The following SNRNP27 variants were observed in gnomAD, a reference collection of about 807,000 sequenced individuals.
SNRNP27 encodes the protein small nuclear ribonucleoprotein U4/U6.U5 subunit 27.
A neutral mutation model predicts 25.1 loss-of-function variants in SNRNP27; 22 were observed. That is an observed-to-expected ratio of 0.88 (90% CI 0.63 to 1.25). The LOEUF (loss-of-function observed/expected upper bound fraction) is 1.25. Ranked by LOEUF, SNRNP27 falls within the 50% of genes most tolerant of loss-of-function variation. The pLI is 0.00. For synonymous variants in SNRNP27, 66 were observed against 64.9 expected (o/e 1.02, Z -0.08); for missense variants, 150 against 202.3 (o/e 0.74, Z 1.57).
chr2:69,903,047 A>ATCC, intron 4 of SNRNP27, 134 bp from the exon 5 acceptor site: 1 of 713,280 alleles, frequency 1.4e-6, no homozygotes, highest in Non-Finnish European at 2.5e-6. Flanking sequence ...GGCTCAAGCA[A>ATCC]TCCTCCCACC....
At chr2:69,902,584 G>A (rs1370278213) in intron 4 of SNRNP27, among the ~76,000 whole-genome samples, 3 of 150,700 alleles carry the variant, frequency 2.0e-5, no homozygotes, top group Non-Finnish European at 4.4e-5. Flanking sequence ...TGCTTCTTCT[G>A]CTTCTGCTGC....
At chr2:69,904,199 T>TA (rs397794501) in intron 5 of SNRNP27, 55 bp from the exon 6 acceptor site, 4 of 1,245,386 alleles carry the variant, frequency 3.2e-6, no homozygotes, top group East Asian at 2.4e-5. Flanking sequence ...TTTTTTTTTT[T>TA]ATAAGAGGAG....
At chr2:69,898,662 G>A (rs1318595179) in intron 4 of SNRNP27, among the ~76,000 whole-genome samples, 1 of 152,164 alleles carries the variant, frequency 6.6e-6, no homozygotes, top group East Asian at 1.9e-4. Context: ...TAATGTGACT[G>A]TGTAGGGCTC....
chr2:69,896,483 A>G lies in SNRNP27; in HGVS notation c.203A>G (p.Lys68Arg), dbSNP rs754160188. The G allele has an allele frequency of 6.2e-7, 1 of 1,611,332 alleles. No individual in the cohort carries two copies. Among genetic ancestry groups the G allele is most frequent in the African/African-American group, 1.3e-5 (1 of 74,974 alleles). ...ACATCTCCTTCCCCTTCTCGACTGA[A>G]AGAAAGAAGAGATGAGGAAAAGAAA... ...RSTSPSPSRL[K>R]ERRDEEKKET... Residue 68 changes from lysine (K) to arginine (R), a missense_variant, in exon 3 of 6, where the codon AAA (lysine) becomes AGA (arginine). By Grantham distance (26) the Lys-to-Arg change is conservative (BLOSUM62 2). Coordinates refer to ENST00000244227, the MANE Select transcript of SNRNP27 (RefSeq NM_006857.3).
chr2:69,903,063 C>G, intron 4 of SNRNP27, 118 bp from the exon 5 acceptor site: 1 of 800,916 alleles, frequency 1.2e-6, no homozygotes. Context: ...CCACCTTAGC[C>G]TTCCGCCAAG....
In SNRNP27 at chr2:69,904,330, A is replaced by AT. The variant is rs752687200; in HGVS notation, c.*30dup. 2.8e-5 allele frequency: 44 copies of AT among 1,597,938 alleles called. No individual in the cohort carries two copies. Among genetic ancestry groups the AT allele is most frequent in the South Asian group, 1.4e-4 (13 of 90,072 alleles). ...ATGAGAATTGAAGTGTTGAAGGATG[A>AT]TTTTTTTTCCCCTCATCTTGGTCAG... On this transcript the variant is annotated 3_prime_UTR_variant, in exon 6 of 6. Coordinates refer to ENST00000244227, the MANE Select transcript of SNRNP27 (RefSeq NM_006857.3).
chr2:69,903,293 T>G, intron 5 of SNRNP27, 48 bp downstream of exon 5: 1 of 1,292,182 alleles, frequency 7.7e-7, no homozygotes, highest in South Asian at 1.2e-5. Context: ...ATCAGTTTTT[T>G]ACTTCAAACT....
At position 69,904,309 on chromosome 2, in the gene SNRNP27, G is replaced by A; in HGVS notation, c.*1G>A. On this transcript the variant is annotated 3_prime_UTR_variant, in exon 6 of 6. Transcript: ENST00000244227. ...CAGACCTTTGGATTTCATTGCATGA[G>A]AATTGAAGTGTTGAAGGATGATTTT... The A allele has an allele frequency of 6.2e-7, 1 of 1,609,726 alleles. No homozygotes were observed. Among genetic ancestry groups the A allele is most frequent in the Non-Finnish European group, 8.5e-7 (1 of 1,177,240 alleles).
intron 1 of SNRNP27, 47 bp from the exon 2 acceptor site, chr2:69,895,047 T>C: frequency 6.2e-7 from 1 of 1,608,610 alleles, no homozygotes; most frequent in South Asian, 1.1e-5. Context: ...CAGCTCTAGA[T>C]ATTTGAGGTA....
At position 69,903,277 on chromosome 2, in the gene SNRNP27, TAATA is replaced by T. The variant is rs776771296; in HGVS notation, c.413+36_413+39del. Reference sequence around the variant, plus strand: ...ATAGCCCCCATTATTATGTTTGAACTAATAAATCAGTTTTTTACTTCAAACTTTA... The same window carrying T: ...ATAGCCCCCATTATTATGTTTGAACTAATCAGTTTTTTACTTCAAACTTTA... On this transcript the variant is annotated intron_variant, in intron 5 of 5. Transcript: ENST00000244227. 18 of 1,494,928 alleles carry T rather than the reference TAATA, an allele frequency of 1.2e-5. No homozygotes were observed. In the Admixed American group the frequency reaches 1.4e-4, roughly 11 times the overall value. 92.6% of individuals were successfully genotyped at this position (1,494,928 alleles called of 1,614,324 possible).
rs778867058 is a variant in SNRNP27, at chr2:69,896,540, A to G, written c.260A>G (p.Gln87Arg). ...ETKETKSKER[Q>R]ITEEDLEGKT... Reference sequence around the variant, plus strand: ...AAAGAAACAAAGAGCAAAGAACGGCAGATTACTGGTAATGTTATTAGATAA... The same window carrying G: ...AAAGAAACAAAGAGCAAAGAACGGCGGATTACTGGTAATGTTATTAGATAA... The change falls in exon 3 of 6, where the codon CAG becomes CGG. Residue 87 changes from glutamine (Q) to arginine (R), a missense_variant. This residue lies in a region of SNRNP27 where 142 missense variants were observed against 168.6 expected (regional missense o/e 0.84). Coordinates refer to ENST00000244227, the MANE Select transcript of SNRNP27 (RefSeq NM_006857.3). The G allele has an allele frequency of 1.9e-6, 3 of 1,601,282 alleles. No homozygotes were observed. Among genetic ancestry groups the G allele is most frequent in the Non-Finnish European group, 2.6e-6 (3 of 1,171,804 alleles).
At chr2:69,896,600 AT>A (rs1676606156) in intron 3 of SNRNP27, 52 bp downstream of exon 3, 1 of 1,469,922 alleles carries the variant, frequency 6.8e-7, no homozygotes, top group Non-Finnish European at 9.2e-7. Flanking sequence ...TGATAAAATT[AT>A]AAAAGTTTAA....
chr2:69,903,194 A>G lies in SNRNP27; in HGVS notation c.362A>G (p.Asp121Gly). 1.2e-6 allele frequency: 2 copies of G among 1,612,760 alleles called. No homozygotes were observed. Among genetic ancestry groups the G allele is most frequent in the Non-Finnish European group, 1.7e-6 (2 of 1,178,954 alleles). ...SFDSTKGKKV[D>G]GSVNAYAINV... ...GTTTTTCTTCAGGGTAAGAAGGTGG[A>G]TGGCTCTGTAAATGCCTATGCCATA... The change falls in exon 5 of 6, where the codon GAT (aspartate) becomes GGT (glycine). Residue 121 changes from aspartate to glycine, a missense_variant. Transcript: ENST00000244227.
At chr2:69,904,188 GT>G (rs35836496) in intron 5 of SNRNP27, 65 bp from the exon 6 acceptor site, 19,107 of 879,360 alleles carry the variant, frequency 0.022, 8 homozygotes, top group South Asian at 0.024. Flanking sequence ...TCTGATGCAT[GT>G]TTTTTTTTTT....
At chr2:69,895,502 C>G (rs1368977680) in intron 2 of SNRNP27, among the ~76,000 whole-genome samples, 1 of 152,150 alleles carries the variant, frequency 6.6e-6, no homozygotes, top group African/African-American at 2.4e-5. Context: ...ATTTTTGTTT[C>G]TTTCTTCCGT....
At chr2:69,896,679 T>G (rs1004030016) in intron 3 of SNRNP27, 131 bp downstream of exon 3, 2 of 920,448 alleles carry the variant, frequency 2.2e-6, no homozygotes, top group African/African-American at 3.4e-5. Flanking sequence ...TTTTTTGGTT[T>G]TTTTTTTTTT....
intron 4 of SNRNP27, among the ~76,000 whole-genome samples, chr2:69,901,453 G>C (rs1676696963): frequency 6.6e-6 from 1 of 152,180 alleles, no homozygotes; most frequent in Admixed American, 6.5e-5. Context: ...CATTCAGAAA[G>C]GTCAAGATGG....
At position 69,904,676 on chromosome 2, in the gene SNRNP27, T is replaced by C; in HGVS notation, c.*368T>C. 1 of 312,992 alleles carries C rather than the reference T, an allele frequency of 3.2e-6. No homozygotes were observed. 19.4% of individuals were successfully genotyped at this position (312,992 alleles called of 1,614,324 possible). ...AGCAGTATTTCTACCCTTTTAGATTTGATAAATATTTTTATTACTAAAGAA... is the reference window on the plus strand; with the variant it reads ...AGCAGTATTTCTACCCTTTTAGATTCGATAAATATTTTTATTACTAAAGAA... On this transcript the variant is annotated 3_prime_UTR_variant, in exon 6 of 6. Transcript: ENST00000244227.
chr2:69,902,638 GCTT>G (rs942375334), intron 4 of SNRNP27, among the ~76,000 whole-genome samples: 31 of 150,384 alleles, frequency 2.1e-4, no homozygotes, highest in African/African-American at 5.7e-4. Context: ...TGCTGCTCTT[GCTT>G]CTTTTGCTTC....
Sources: gnomAD v4.1 joint callset for allele counts (sites outside exome capture counted in the v4.1 genomes callset) on GRCh38, gnomAD v4.1.1 for gene constraint, gnomAD v4.1.1 regional missense constraint, MANE v1.5 for transcripts, NCBI Gene and HGNC (gene_info 2026-07-23, HGNC 2026-07-21) for gene names.